Variants in DENND5B observed in about 807,000 individuals in gnomAD.
The protein encoded by DENND5B is DENN domain-containing protein 5B.
Under a neutral mutation model 140.6 loss-of-function variants are expected in DENND5B, and 34 were observed. The observed-to-expected ratio is 0.24, with a 90% CI of 0.18 to 0.32. The LOEUF (loss-of-function observed/expected upper bound fraction) is 0.32. DENND5B is among the 10% of genes least tolerant of loss of function. DENND5B has a pLI of 1.00. For missense variants in DENND5B, 1,142 were observed against 1,560.2 expected (o/e 0.73, Z 4.52); for synonymous variants, 551 against 562.1 (o/e 0.98, Z 0.28).
chr12:31,449,700 C>T (rs1021643820), intron 5 of DENND5B, among the ~76,000 whole-genome samples: 36 of 149,162 alleles, frequency 2.4e-4, no homozygotes, highest in African/African-American at 8.4e-4. Context: ...TTGAATTGTC[C>T]CAAGGATAAA....
intron 1 of DENND5B, among the ~76,000 whole-genome samples, chr12:31,565,100 C>T (rs1949583401): frequency 6.6e-6 from 1 of 152,104 alleles, no homozygotes; most frequent in East Asian, 1.9e-4. Context: ...CTTGCCAATT[C>T]GACTACTGCA....
At chr12:31,559,206 C>T (rs561787692) in intron 1 of DENND5B, among the ~76,000 whole-genome samples, 2 of 152,216 alleles carry the variant, frequency 1.3e-5, no homozygotes, top group South Asian at 2.1e-4. Context: ...GTGGAGGAAA[C>T]GATGAACTCA....
intron 1 of DENND5B, among the ~76,000 whole-genome samples, chr12:31,584,833 C>A (rs978074928): frequency 1.4e-5 from 2 of 146,220 alleles, no homozygotes; most frequent in African/African-American, 5.0e-5. Flanking sequence ...ACACCCCCCA[C>A]CCACCCTCCC....
intron 3 of DENND5B, among the ~76,000 whole-genome samples, chr12:31,478,816 T>C (rs1026555506): frequency 6.6e-6 from 1 of 152,218 alleles, no homozygotes; most frequent in Admixed American, 6.5e-5. Flanking sequence ...GCATCTCTAT[T>C]TTCTCTACAC....
intron 17 of DENND5B, among the ~76,000 whole-genome samples, chr12:31,395,483 T>C (rs1216535986): frequency 6.6e-6 from 1 of 151,978 alleles, no homozygotes; most frequent in East Asian, 1.9e-4. Context: ...ATCCCAGCTA[T>C]TTGGGAGGCT....
chr12:31,560,753 C>T (rs976680033), intron 1 of DENND5B, among the ~76,000 whole-genome samples: 2 of 152,160 alleles, frequency 1.3e-5, no homozygotes, highest in East Asian at 3.9e-4. Context: ...GTTCACTCCT[C>T]CAGACTCTTT....
At chr12:31,558,290 T>C (rs1290946297) in intron 1 of DENND5B, among the ~76,000 whole-genome samples, 3 of 152,170 alleles carry the variant, frequency 2.0e-5, no homozygotes, top group Admixed American at 2.0e-4. Context: ...TTGTTTTCTT[T>C]TTCCTGGGCT....
intron 13 of DENND5B, among the ~76,000 whole-genome samples, chr12:31,411,490 A>G (rs1300623683): frequency 6.6e-6 from 1 of 151,758 alleles, no homozygotes; most frequent in Non-Finnish European, 1.5e-5. Flanking sequence ...GATTATAGGC[A>G]TGCGCCACGA....
At chr12:31,494,031 C>T (rs892526508) in intron 2 of DENND5B, among the ~76,000 whole-genome samples, 1 of 152,104 alleles carries the variant, frequency 6.6e-6, no homozygotes, top group Admixed American at 6.6e-5. Flanking sequence ...AGTTTATGAA[C>T]ATCTCAAATA....
intron 1 of DENND5B, among the ~76,000 whole-genome samples, chr12:31,561,344 C>G (rs1238836578): frequency 6.6e-6 from 1 of 152,174 alleles, no homozygotes; most frequent in Non-Finnish European, 1.5e-5. Flanking sequence ...ATTTCCTAAG[C>G]CAAGCGTGGT....
chr12:31,472,787 T>C (rs992716169), intron 3 of DENND5B, among the ~76,000 whole-genome samples: 1 of 152,046 alleles, frequency 6.6e-6, no homozygotes, highest in Non-Finnish European at 1.5e-5. Flanking sequence ...GTAAGGTAAA[T>C]TAATCAAAAT....
intron 2 of DENND5B, among the ~76,000 whole-genome samples, chr12:31,484,263 G>A (rs1313493045): frequency 1.3e-5 from 2 of 152,166 alleles, no homozygotes; most frequent in Admixed American, 6.5e-5. Context: ...ACAGTGCAGT[G>A]GTGGTTCAAG....
intron 11 of DENND5B, among the ~76,000 whole-genome samples, chr12:31,420,937 A>G (rs1942991974): frequency 6.6e-6 from 1 of 152,144 alleles, no homozygotes; most frequent in African/African-American, 2.4e-5. Context: ...AACTCTTAAA[A>G]TGTCTCTGAC....
intron 1 of DENND5B, among the ~76,000 whole-genome samples, chr12:31,580,259 T>C (rs907897218): frequency 6.6e-6 from 1 of 152,138 alleles, no homozygotes; most frequent in Non-Finnish European, 1.5e-5. Flanking sequence ...GGTACCTGCA[T>C]GCTTGCTTGC....
At chr12:31,457,099 CTCAGAAT>C (rs1341487093) in intron 4 of DENND5B, among the ~76,000 whole-genome samples, 2 of 152,146 alleles carry the variant, frequency 1.3e-5, no homozygotes, top group Non-Finnish European at 2.9e-5. Flanking sequence ...AAATTATTTC[CTCAGAAT>C]CTCAGGGCAA....
chr12:31,454,812 CTTTTTTTTTTTTTT>C (rs201720111), intron 4 of DENND5B, among the ~76,000 whole-genome samples: 1 of 93,884 alleles, frequency 1.1e-5, no homozygotes, highest in East Asian at 3.0e-4. Flanking sequence ...GATTCAGTAT[CTTTTTTTTTTTTTT>C]TTTTTTTTTT....
chr12:31,470,505 T>C (rs1945508206), intron 3 of DENND5B, among the ~76,000 whole-genome samples: 1 of 152,104 alleles, frequency 6.6e-6, no homozygotes, highest in South Asian at 2.1e-4. Context: ...CTGTCTCAGC[T>C]TCCCAGAGTG....
At chr12:31,448,302 T>C (rs1417010806) in intron 5 of DENND5B, among the ~76,000 whole-genome samples, 1 of 151,822 alleles carries the variant, frequency 6.6e-6, no homozygotes, top group Non-Finnish European at 1.5e-5. Flanking sequence ...GCCCGGCTAA[T>C]TTTTTTGAAT....
intron 1 of DENND5B, among the ~76,000 whole-genome samples, chr12:31,552,082 C>T (rs1453214401): frequency 3.3e-5 from 5 of 152,132 alleles, no homozygotes; most frequent in Non-Finnish European, 7.3e-5. Flanking sequence ...ATTGCCCTGG[C>T]CAGAACTTCC....
Sources: allele counts gnomAD v4.1 joint callset (sites outside exome capture counted in the v4.1 genomes callset), GRCh38; gene constraint gnomAD v4.1.1; transcripts MANE v1.5; gene names NCBI Gene and HGNC (gene_info 2026-07-23, HGNC 2026-07-21).